The following THEMIS variants were observed in gnomAD, a reference collection of about 807,000 sequenced individuals.
THEMIS encodes the protein protein THEMIS.
In THEMIS, 37 loss-of-function variants were observed where a neutral mutation model predicts 52.6. That is an observed-to-expected ratio of 0.70 (90% CI 0.54 to 0.93). The LOEUF (loss-of-function observed/expected upper bound fraction) is 0.93. Ranked by LOEUF, THEMIS falls within the 40% of genes least tolerant of loss-of-function variation. The pLI, the probability that THEMIS is intolerant of heterozygous loss-of-function variation, is 0.00. For missense variants in THEMIS, 808 were observed against 763.1 expected, an observed-to-expected ratio of 1.06 and a Z score of -0.69; for synonymous variants, 292 against 272.7, an observed-to-expected ratio of 1.07 and a Z score of -0.70.
At chr6:127,866,437 A>G (rs270045) in intron 1 of THEMIS, among the ~76,000 whole-genome samples, 56,078 of 151,712 alleles carry the variant, frequency 0.37, 10,957 homozygotes, top group Middle Eastern at 0.48. Flanking sequence ...TTCTTAGCAG[A>G]TCAAGTCCAA....
intron 1 of THEMIS, among the ~76,000 whole-genome samples, chr6:127,907,337 A>ATGTTTTTTTTTTT (rs1781297441): frequency 4.0e-5 from 2 of 49,448 alleles, no homozygotes; most frequent in Non-Finnish European, 3.7e-5. Flanking sequence ...TTAGGCTCGG[A>ATGTTTTTTTTTTT]TTTTTTTTTT....
chr6:127,914,330 T>C (rs574774582), intron 1 of THEMIS, among the ~76,000 whole-genome samples: 12 of 150,328 alleles, frequency 8.0e-5, no homozygotes, highest in African/African-American at 2.8e-4. Context: ...AAGAAAAACA[T>C]AGTTTTTCTT....
intron 1 of THEMIS, among the ~76,000 whole-genome samples, chr6:127,907,028 C>T (rs1321068222): frequency 6.6e-6 from 1 of 151,382 alleles, no homozygotes; most frequent in African/African-American, 2.4e-5. Flanking sequence ...TATTTCAGTG[C>T]AATGTAATAT....
At chr6:127,756,942 T>C (rs1775846329) in intron 4 of THEMIS, among the ~76,000 whole-genome samples, 2 of 152,256 alleles carry the variant, frequency 1.3e-5, no homozygotes, top group South Asian at 4.1e-4. Context: ...TTGTACATAA[T>C]AAAAAATCAC....
chr6:127,810,656 A>T (rs376988324), intron 4 of THEMIS, among the ~76,000 whole-genome samples: 1 of 152,156 alleles, frequency 6.6e-6, no homozygotes, highest in African/African-American at 2.4e-5. Context: ...TTCTTTATGA[A>T]TTACTGAGTC....
At chr6:127,853,069 A>G (rs974034366) in intron 2 of THEMIS, among the ~76,000 whole-genome samples, 1 of 151,644 alleles carries the variant, frequency 6.6e-6, no homozygotes, top group Non-Finnish European at 1.5e-5. Flanking sequence ...TTAACTTACT[A>G]AATATTTATT....
chr6:127,787,880 T>TAGATAGATATAG (rs200767496), intron 4 of THEMIS, among the ~76,000 whole-genome samples: 1,462 of 119,916 alleles, frequency 0.012, 15 homozygotes, highest in Middle Eastern at 0.035. Context: ...GATAGATAGA[T>TAGATAGATATAG]ATAGATAGAT....
At chr6:127,740,428 T>G (rs950377112) in intron 4 of THEMIS, among the ~76,000 whole-genome samples, 20 of 126,966 alleles carry the variant, frequency 1.6e-4, no homozygotes, top group African/African-American at 6.2e-4. Flanking sequence ...CTTTATTGGA[T>G]GTAAAATTCA....
intron 5 of THEMIS, among the ~76,000 whole-genome samples, chr6:127,718,613 G>T (rs1774252784): frequency 6.6e-6 from 1 of 151,954 alleles, no homozygotes; most frequent in Non-Finnish European, 1.5e-5. Context: ...AGAAAAACAA[G>T]TTCCAATGAA....
At chr6:127,871,060 A>G (rs750954029) in intron 1 of THEMIS, among the ~76,000 whole-genome samples, 1 of 152,184 alleles carries the variant, frequency 6.6e-6, no homozygotes, top group Non-Finnish European at 1.5e-5. Flanking sequence ...AGTACCCACA[A>G]TAACATATGC....
At chr6:127,889,684 C>T (rs1334115711) in intron 1 of THEMIS, among the ~76,000 whole-genome samples, 2 of 144,198 alleles carry the variant, frequency 1.4e-5, no homozygotes, top group Non-Finnish European at 3.2e-5. Context: ...ATTAAAAATC[C>T]TAATTTATCT....
intron 4 of THEMIS, among the ~76,000 whole-genome samples, chr6:127,780,841 A>C (rs1776720012): frequency 6.6e-6 from 1 of 151,954 alleles, no homozygotes; most frequent in African/African-American, 2.4e-5. Context: ...CCTTCATTTC[A>C]ACCTTGGCGA....
chr6:127,819,349 T>G (rs1778255157), intron 3 of THEMIS, among the ~76,000 whole-genome samples: 1 of 152,044 alleles, frequency 6.6e-6, no homozygotes, highest in African/African-American at 2.4e-5. Flanking sequence ...AGATGTAACA[T>G]GTATGTCCTG....
chr6:127,899,254 T>C (rs898082674), intron 1 of THEMIS, among the ~76,000 whole-genome samples: 4 of 151,832 alleles, frequency 2.6e-5, no homozygotes, highest in African/African-American at 9.7e-5. Flanking sequence ...ATTATGTATC[T>C]ATAAAAACAT....
At chr6:127,729,140 TTCTCTCTCTCTCTCTCTCTCTCTC>T (rs35400135) in intron 4 of THEMIS, among the ~76,000 whole-genome samples, 3,250 of 106,138 alleles carry the variant, frequency 0.031, 90 homozygotes, top group Middle Eastern at 0.06. Flanking sequence ...TACCAATTTA[TTCTCTCTCTCTCTCTCTCTCTCTC>T]TCTCTCTCTC....
At chr6:127,915,157 G>A (rs1324246065) in intron 1 of THEMIS, among the ~76,000 whole-genome samples, 1 of 151,872 alleles carries the variant, frequency 6.6e-6, no homozygotes, top group Non-Finnish European at 1.5e-5. Flanking sequence ...TTACTGGGGT[G>A]TGGAAGGAGG....
intron 4 of THEMIS, among the ~76,000 whole-genome samples, chr6:127,730,626 C>T (rs2114522618): frequency 6.6e-6 from 1 of 152,086 alleles, no homozygotes; most frequent in African/African-American, 2.4e-5. Context: ...AAGATTTTAT[C>T]AAAATTCAGA....
chr6:127,780,077 T>G (rs2114477115), intron 4 of THEMIS, among the ~76,000 whole-genome samples: 1 of 152,324 alleles, frequency 6.6e-6, no homozygotes, highest in African/African-American at 2.4e-5. Flanking sequence ...TGAATCTGGG[T>G]GATCCTGTAT....
At chr6:127,810,840 G>A (rs1342284701) in intron 4 of THEMIS, among the ~76,000 whole-genome samples, 1 of 151,358 alleles carries the variant, frequency 6.6e-6, no homozygotes, top group Non-Finnish European at 1.5e-5. Flanking sequence ...AAAATGAGAC[G>A]TGAGATGCAG....
Sources: allele counts gnomAD v4.1 joint callset (sites outside exome capture counted in the v4.1 genomes callset), GRCh38; gene constraint gnomAD v4.1.1; transcripts MANE v1.5; gene names NCBI Gene and HGNC (gene_info 2026-07-23, HGNC 2026-07-21).